Variants in MGAT4C observed in about 807,000 individuals in gnomAD.
MGAT4C encodes MGAT4 family member C.
MGAT4C carries 19 observed loss-of-function variants against 40.1 expected under a neutral mutation model. The observed-to-expected ratio is 0.47, with a 90% CI of 0.33 to 0.70. MGAT4C has a LOEUF of 0.70. MGAT4C is among the 30% of genes least tolerant of loss of function. The probability of loss-of-function intolerance (pLI) is 0.02; values close to 1 mark genes in which losing one functional copy is unlikely to be tolerated. For synonymous variants in MGAT4C, 181 were observed against 187.1 expected, an observed-to-expected ratio of 0.97 and a Z score of 0.27; for missense variants, 491 against 563.2, an observed-to-expected ratio of 0.87 and a Z score of 1.30.
chr12:86,671,358 G>A (rs1964251682), intron 2 of MGAT4C, among the ~76,000 whole-genome samples: 1 of 152,138 alleles, frequency 6.6e-6, no homozygotes, highest in Non-Finnish European at 1.5e-5. Flanking sequence ...AGGGTTAAAG[G>A]CAGCTAGAGA....
chr12:86,550,119 C>T (rs1350025201), intron 2 of MGAT4C, among the ~76,000 whole-genome samples: 1 of 152,148 alleles, frequency 6.6e-6, no homozygotes, highest in Admixed American at 6.5e-5. Flanking sequence ...TTCACTTTCC[C>T]TCTCTTTCCT....
At chr12:86,169,161 C>T (rs1479175751) in intron 1 of MGAT4C, among the ~76,000 whole-genome samples, 2 of 152,036 alleles carry the variant, frequency 1.3e-5, no homozygotes, top group East Asian at 1.9e-4. Context: ...CTTTCTTCTG[C>T]GGTTTCCACT....
At chr12:86,838,001 C>T (rs1057017840) in intron 1 of MGAT4C, among the ~76,000 whole-genome samples, 6 of 152,104 alleles carry the variant, frequency 3.9e-5, no homozygotes, top group African/African-American at 1.4e-4. Flanking sequence ...CTATGAAAGG[C>T]ATTGAGGTTT....
At chr12:86,005,710 T>A (rs1887807824) in intron 2 of MGAT4C, among the ~76,000 whole-genome samples, 1 of 152,142 alleles carries the variant, frequency 6.6e-6, no homozygotes, top group Non-Finnish European at 1.5e-5. Flanking sequence ...CAAAAGGTTT[T>A]TGAAATTATA....
chr12:86,440,855 C>T lies in MGAT4C; in HGVS notation c.-228-5590G>A, dbSNP rs145342004. ...AACAACCAAGCTGAAAACAAATCAACAACTCAATCCCTTTTACAATAACTA... is the reference window on the plus strand; with the variant it reads ...AACAACCAAGCTGAAAACAAATCAATAACTCAATCCCTTTTACAATAACTA... On this transcript the variant is annotated intron_variant, in intron 2 of 7. Coordinates refer to the MGAT4C transcript ENST00000548651. 5.8e-3 allele frequency among the ~76,000 whole-genome samples: 876 copies of T among 152,026 alleles called. 9 individuals carry two copies. Among genetic ancestry groups the T allele is most frequent in the Admixed American group, 0.011 (171 of 15,258 alleles).
chr12:86,825,307 A>T (rs987065846), intron 1 of MGAT4C, among the ~76,000 whole-genome samples: 29 of 151,404 alleles, frequency 1.9e-4, no homozygotes, highest in African/African-American at 4.4e-4. Context: ...AGATAATTTT[A>T]AAAAAGAAAA....
intron 2 of MGAT4C, among the ~76,000 whole-genome samples, chr12:86,630,708 C>G (rs1215209264): frequency 1.3e-5 from 2 of 152,128 alleles, no homozygotes; most frequent in African/African-American, 4.8e-5. Flanking sequence ...AACAACACTT[C>G]ATGCTAAAAA....
intron 2 of MGAT4C, among the ~76,000 whole-genome samples, chr12:86,464,989 T>G (rs2136298773): frequency 6.6e-6 from 1 of 152,258 alleles, no homozygotes; most frequent in African/African-American, 2.4e-5. Context: ...GAAGTGCTAC[T>G]AGCCCTATAT....
At chr12:86,739,647 A>T (rs967086911) in intron 1 of MGAT4C, among the ~76,000 whole-genome samples, 2 of 151,056 alleles carry the variant, frequency 1.3e-5, no homozygotes, top group Non-Finnish European at 1.5e-5. Context: ...ATTAGATATT[A>T]TAAGTAATCT....
Position 85,989,471 on chromosome 12 carries a change from C to A in MGAT4C, c.76G>T (p.Val26Leu). ...ATGACAAGAACTCCCAAGAATGACA[C>A]TGTAGAACGTTTTCTCAGGCATCTC... Reference protein sequence around the residue: ...KMRCLRKRSTVSFLGVLVIFL... With the variant: ...KMRCLRKRSTLSFLGVLVIFL... The change falls in exon 3 of 5, where the codon GTG (valine) becomes TTG (leucine). Residue 26 changes from valine to leucine, a missense_variant. Coordinates refer to ENST00000611864, the MANE Select transcript of MGAT4C (RefSeq NM_001351288.2). The A allele has an allele frequency of 6.2e-7, 1 of 1,607,612 alleles. No homozygotes were observed. Among genetic ancestry groups the A allele is most frequent in the Non-Finnish European group, 8.5e-7 (1 of 1,175,916 alleles).
chr12:86,107,527 T>A (rs1187441152), intron 1 of MGAT4C, among the ~76,000 whole-genome samples: 1 of 152,206 alleles, frequency 6.6e-6, no homozygotes, highest in Non-Finnish European at 1.5e-5. Flanking sequence ...AGTATTCATA[T>A]TTTCAGCACA....
At chr12:86,169,261 G>T (rs935568945) in intron 1 of MGAT4C, among the ~76,000 whole-genome samples, 2 of 152,122 alleles carry the variant, frequency 1.3e-5, no homozygotes, top group African/African-American at 4.8e-5. Context: ...GTTTCTTCAT[G>T]TCTTGGGTCT....
chr12:86,169,024 G>A (rs11103875), intron 1 of MGAT4C, among the ~76,000 whole-genome samples: 3 of 151,982 alleles, frequency 2.0e-5, no homozygotes, highest in Middle Eastern at 3.4e-3. Flanking sequence ...AAAATGTGGG[G>A]GAAAACTGCC....
At chr12:86,083,893 C>T (rs931021533) in intron 1 of MGAT4C, among the ~76,000 whole-genome samples, 4 of 152,034 alleles carry the variant, frequency 2.6e-5, no homozygotes, top group Non-Finnish European at 4.4e-5. Flanking sequence ...CTATGTCTTC[C>T]AAGAATAATT....
chr12:86,676,845 A>G (rs1487604353), intron 2 of MGAT4C, among the ~76,000 whole-genome samples: 5 of 152,178 alleles, frequency 3.3e-5, no homozygotes, highest in Non-Finnish European at 7.4e-5. Flanking sequence ...AAGATATTTA[A>G]AACTATGATT....
At chr12:86,162,212 C>T (rs1385078772) in intron 1 of MGAT4C, among the ~76,000 whole-genome samples, 1 of 152,114 alleles carries the variant, frequency 6.6e-6, no homozygotes, top group South Asian at 2.1e-4. Flanking sequence ...TATTGCTGTA[C>T]TATTCAAAAT....
chr12:86,217,605 C>A (rs1050522591), intron 1 of MGAT4C, among the ~76,000 whole-genome samples: 5 of 152,180 alleles, frequency 3.3e-5, no homozygotes, highest in African/African-American at 1.2e-4. Context: ...TGACAGTTTA[C>A]AACTGCTTGC....
intron 1 of MGAT4C, among the ~76,000 whole-genome samples, chr12:86,073,510 G>A (rs912050904): frequency 3.9e-5 from 6 of 152,182 alleles, no homozygotes; most frequent in Non-Finnish European, 7.3e-5. Context: ...GAGCTTCCTG[G>A]AGACTTGTTG....
intron 3 of MGAT4C, among the ~76,000 whole-genome samples, chr12:86,361,872 C>T (rs567476052): frequency 0.091 from 13,866 of 152,108 alleles, 778 homozygotes; most frequent in Middle Eastern, 0.22. Flanking sequence ...ACAGGAATTC[C>T]TTTACCCTGT....
Sources: allele counts gnomAD v4.1 joint callset (sites outside exome capture counted in the v4.1 genomes callset), GRCh38; gene constraint gnomAD v4.1.1; transcripts MANE v1.5; gene names NCBI Gene and HGNC (gene_info 2026-07-23, HGNC 2026-07-21).